The following CSMD1 variants were observed in gnomAD, a reference collection of about 807,000 sequenced individuals.
CSMD1 encodes CUB and sushi domain-containing protein 1.
Under a neutral mutation model 417.5 loss-of-function variants are expected in CSMD1, and 213 were observed. The ratio of observed to expected loss-of-function variants is 0.51; its 90% CI spans 0.46 to 0.57. The LOEUF (loss-of-function observed/expected upper bound fraction) is 0.57. Among genes scored for constraint, CSMD1 ranks in the 20% least tolerant of loss-of-function variants. CSMD1 has a pLI of 0.00. For synonymous variants in CSMD1, 2,862 were observed against 1,736.8 expected (o/e 1.65, Z -16.11); for missense variants, 6,923 against 4,529.7 (o/e 1.53, Z -15.17).
intron 2 of CSMD1, among the ~76,000 whole-genome samples, chr8:4,594,342 T>C (rs1373557882): frequency 6.6e-6 from 1 of 151,864 alleles, no homozygotes; most frequent in Non-Finnish European, 1.5e-5. Context: ...TAGCTGGGAA[T>C]ACAGGCGCCA....
chr8:4,741,771 T>A (rs797020850), intron 1 of CSMD1, among the ~76,000 whole-genome samples: 50 of 152,228 alleles, frequency 3.3e-4, no homozygotes, highest in African/African-American at 1.2e-3. Context: ...AACCCAGACC[T>A]GCAGGATGCA....
intron 4 of CSMD1, among the ~76,000 whole-genome samples, chr8:4,002,389 C>T (rs769839805): frequency 2.0e-5 from 3 of 152,080 alleles, no homozygotes; most frequent in Non-Finnish European, 2.9e-5. Flanking sequence ...AACATAATAG[C>T]ATTTGAAGAA....
At chr8:3,568,589 G>A (rs1253889590) in intron 10 of CSMD1, among the ~76,000 whole-genome samples, 2 of 152,096 alleles carry the variant, frequency 1.3e-5, no homozygotes, top group African/African-American at 2.4e-5. Context: ...TAAAATGTGT[G>A]TGTATATCAA....
Position 2,942,510 on chromosome 8 carries a change from T to C in CSMD1, c.10497A>G (p.Leu3499=), listed in dbSNP as rs541781609. ...AAAILVPFFA[L]ILSGFAFYLY... ...GGTAAAATGCAAACCCTGATAAAATTAGAGCAAAGAAAGGAACCAGAATGG... is the reference window on the plus strand; with the variant it reads ...GGTAAAATGCAAACCCTGATAAAATCAGAGCAAAGAAAGGAACCAGAATGG... Residue 3499 remains leucine, a synonymous_variant, in exon 69 of 70, where the codon CTA becomes CTG. Transcript: ENST00000635120. 11 of 1,612,758 alleles carry C rather than the reference T, an allele frequency of 6.8e-6. No individual in the cohort carries two copies. The highest frequency in any genetic ancestry group is 1.7e-4 in the Middle Eastern group (1 of 6,060).
intron 5 of CSMD1, among the ~76,000 whole-genome samples, chr8:3,772,199 C>T (rs367657073): frequency 0.076 from 8,549 of 112,184 alleles, 1,346 homozygotes; most frequent in Non-Finnish European, 0.11. Flanking sequence ...TACACACACA[C>T]ACACACACAC....
chr8:3,784,954 G>A (rs1485704565), intron 5 of CSMD1, among the ~76,000 whole-genome samples: 2 of 152,146 alleles, frequency 1.3e-5, no homozygotes, highest in Non-Finnish European at 2.9e-5. Flanking sequence ...TACTGCTGTA[G>A]AATTTAATTT....
At chr8:4,795,092 A>T (rs1269306222) in intron 1 of CSMD1, among the ~76,000 whole-genome samples, 3 of 151,860 alleles carry the variant, frequency 2.0e-5, no homozygotes, top group Non-Finnish European at 2.9e-5. Flanking sequence ...AATAGTGAAG[A>T]ATCAGGTGGA....
chr8:3,606,487 A>T (rs1057057166), intron 8 of CSMD1, among the ~76,000 whole-genome samples: 4 of 137,362 alleles, frequency 2.9e-5, no homozygotes, highest in African/African-American at 5.4e-5. Context: ...AAGACGGAAG[A>T]TGTCTCATTC....
intron 3 of CSMD1, among the ~76,000 whole-genome samples, chr8:4,169,951 G>A (rs1030873294): frequency 6.7e-6 from 1 of 149,948 alleles, no homozygotes; most frequent in Non-Finnish European, 1.5e-5. Context: ...TGGCTTGCGT[G>A]TGTGTTTTCC....
chr8:3,535,729 T>G (rs1400724854), intron 10 of CSMD1, among the ~76,000 whole-genome samples: 1 of 152,186 alleles, frequency 6.6e-6, no homozygotes, highest in African/African-American at 2.4e-5. Flanking sequence ...CAAGTAAACT[T>G]GATTTTAACC....
At chr8:4,822,359 A>T (rs1028268139) in intron 1 of CSMD1, among the ~76,000 whole-genome samples, 2 of 152,118 alleles carry the variant, frequency 1.3e-5, no homozygotes, top group Non-Finnish European at 2.9e-5. Context: ...GAGGACAAAA[A>T]TGTGTTCATT....
chr8:4,646,048 A>AT (rs977868246), intron 1 of CSMD1, among the ~76,000 whole-genome samples: 15 of 152,158 alleles, frequency 9.9e-5, no homozygotes, highest in East Asian at 1.9e-4. Flanking sequence ...GAAATAAACG[A>AT]TTTTTTTGCC....
intron 2 of CSMD1, among the ~76,000 whole-genome samples, chr8:4,606,699 T>C (rs1292429970): frequency 2.0e-5 from 3 of 152,220 alleles, no homozygotes; most frequent in Non-Finnish European, 4.4e-5. Context: ...AATATTGTAT[T>C]ATTGATCTAT....
intron 1 of CSMD1, among the ~76,000 whole-genome samples, chr8:4,650,682 G>C (rs797017035): frequency 2.0e-5 from 3 of 151,604 alleles, no homozygotes; most frequent in African/African-American, 7.3e-5. Flanking sequence ...ACAGCTTGTA[G>C]TTGATTCTGT....
intron 1 of CSMD1, among the ~76,000 whole-genome samples, chr8:4,948,032 C>G (rs1451444007): frequency 6.6e-6 from 1 of 151,976 alleles, no homozygotes; most frequent in Non-Finnish European, 1.5e-5. Flanking sequence ...TACACATTCA[C>G]TTTTCTGTAG....
intron 5 of CSMD1, among the ~76,000 whole-genome samples, chr8:3,820,768 G>C (rs767336923): frequency 2.0e-5 from 3 of 152,074 alleles, no homozygotes; most frequent in Non-Finnish European, 2.9e-5. Flanking sequence ...TTTTGTTTTA[G>C]TGATGGGGTT....
chr8:4,408,028 A>AC (rs1223929682), intron 3 of CSMD1, among the ~76,000 whole-genome samples: 3 of 151,824 alleles, frequency 2.0e-5, no homozygotes, highest in Non-Finnish European at 4.4e-5. Context: ...CCACTTACTC[A>AC]CCCTCCTCCC....
At chr8:4,355,162 T>A (rs1403297336) in intron 3 of CSMD1, among the ~76,000 whole-genome samples, 1 of 151,942 alleles carries the variant, frequency 6.6e-6, no homozygotes, top group Non-Finnish European at 1.5e-5. Context: ...CTCAGGAGGC[T>A]GAGGCAGGAG....
chr8:3,746,365 G>A (rs1797066173), intron 6 of CSMD1, among the ~76,000 whole-genome samples: 1 of 152,186 alleles, frequency 6.6e-6, no homozygotes, highest in South Asian at 2.1e-4. Context: ...TTAAATAGCT[G>A]AGATTTACTG....
Sources: gnomAD v4.1 joint callset for allele counts (sites outside exome capture counted in the v4.1 genomes callset) on GRCh38, gnomAD v4.1.1 for gene constraint, MANE v1.5 for transcripts, NCBI Gene and HGNC (gene_info 2026-07-23, HGNC 2026-07-21) for gene names.